The following ARL15 variants were observed in gnomAD, a reference collection of about 807,000 sequenced individuals.
The protein encoded by ARL15 is ARF like GTPase 15, also known as ADP-ribosylation factor-like protein 15.
In ARL15, 19 loss-of-function variants were observed where a neutral mutation model predicts 25.2. The ratio of observed to expected loss-of-function variants is 0.75; its 90% CI spans 0.53 to 1.10. The LOEUF (loss-of-function observed/expected upper bound fraction) is 1.10, where lower values mean the gene tolerates loss of function less well. Ranked by LOEUF, ARL15 falls within the 50% of genes least tolerant of loss-of-function variation. The pLI is 0.00. For missense variants in ARL15, 220 were observed against 246.0 expected (o/e 0.89, Z 0.71); for synonymous variants, 94 against 86.8 (o/e 1.08, Z -0.46).
At chr5:54,246,957 G>A (rs1348429068) in intron 1 of ARL15, among the ~76,000 whole-genome samples, 1 of 152,032 alleles carries the variant, frequency 6.6e-6, no homozygotes, top group South Asian at 2.1e-4. Context: ...GAAGCATAAT[G>A]ATGAAAAGGT....
chr5:53,922,394 CT>C (rs1341965692), intron 4 of ARL15, among the ~76,000 whole-genome samples: 1 of 152,176 alleles, frequency 6.6e-6, no homozygotes, highest in Non-Finnish European at 1.5e-5. Flanking sequence ...CTTTGAATGT[CT>C]TCTTATTTTT....
chr5:54,259,211 G>A (rs1237234845), intron 1 of ARL15, among the ~76,000 whole-genome samples: 1 of 152,060 alleles, frequency 6.6e-6, no homozygotes, highest in Non-Finnish European at 1.5e-5. Flanking sequence ...TGAATAGGCA[G>A]GACTCACTCA....
At chr5:54,288,032 G>A (rs1758224734) in intron 1 of ARL15, among the ~76,000 whole-genome samples, 1 of 152,106 alleles carries the variant, frequency 6.6e-6, no homozygotes, top group African/African-American at 2.4e-5. Flanking sequence ...AAGAATCACA[G>A]CAATCTAAAT....
intron 4 of ARL15, among the ~76,000 whole-genome samples, chr5:53,990,886 T>A (rs1174540587): frequency 1.3e-5 from 2 of 152,212 alleles, no homozygotes; most frequent in African/African-American, 2.4e-5. Flanking sequence ...TTCAAAAAAA[T>A]TTTGAAATTA....
rs536611350 is a variant in ARL15 at position 54,297,034 on chromosome 5, G to A, written c.48+13398C>T. Among the ~76,000 whole-genome samples, 33 of 152,330 alleles carry A rather than the reference G, an allele frequency of 2.2e-4. 1 individual carries two copies. In the South Asian group the frequency reaches 6.8e-3, roughly 32 times the overall value. The stretch of plus-strand genomic sequence containing the variant: ...ATGCTATTTCATCTAGCATTTCCCT[G>A]GTTTAGGTAGTTGGGAGAAGATTAG... On this transcript the variant is annotated intron_variant, in intron 1 of 4. Coordinates refer to ENST00000504924, the MANE Select transcript of ARL15 (RefSeq NM_019087.3).
At chr5:54,275,425 G>A (rs901135658) in intron 1 of ARL15, among the ~76,000 whole-genome samples, 1 of 152,140 alleles carries the variant, frequency 6.6e-6, no homozygotes, top group African/African-American at 2.4e-5. Context: ...TCTGGCAACT[G>A]GGATGTGAGG....
At chr5:54,046,400 G>A (rs1037785163) in intron 4 of ARL15, among the ~76,000 whole-genome samples, 1 of 152,204 alleles carries the variant, frequency 6.6e-6, no homozygotes, top group Non-Finnish European at 1.5e-5. Context: ...AGAATCACTT[G>A]AACCCAGGAG....
At chr5:54,225,072 A>G (rs1756482190) in intron 1 of ARL15, among the ~76,000 whole-genome samples, 1 of 152,204 alleles carries the variant, frequency 6.6e-6, no homozygotes, top group South Asian at 2.1e-4. Context: ...TGAGGCAAAC[A>G]ATACCTCATA....
chr5:54,049,504 A>G (rs764453732), intron 4 of ARL15, among the ~76,000 whole-genome samples: 2 of 152,214 alleles, frequency 1.3e-5, no homozygotes, highest in Non-Finnish European at 2.9e-5. Context: ...GAAAGTAAAT[A>G]TCCAATTTTT....
chr5:54,145,150 T>TA (rs1172755219), intron 3 of ARL15, among the ~76,000 whole-genome samples: 8 of 152,156 alleles, frequency 5.3e-5, no homozygotes, highest in Non-Finnish European at 8.8e-5. Flanking sequence ...AAAAGACATT[T>TA]AAAAAAACAA....
intron 1 of ARL15, among the ~76,000 whole-genome samples, chr5:54,280,819 T>A (rs1471031701): frequency 6.6e-6 from 1 of 152,028 alleles, no homozygotes; most frequent in African/African-American, 2.4e-5. Flanking sequence ...AGTCTCCAAA[T>A]CCCCACCCTA....
intron 1 of ARL15, among the ~76,000 whole-genome samples, chr5:54,285,701 TG>T (rs763621802): frequency 2.2e-4 from 33 of 152,118 alleles, no homozygotes; most frequent in Non-Finnish European, 4.0e-4. Context: ...ATGTTAAAAC[TG>T]GTAAAACAAG....
In ARL15 at chr5:53,956,879, A is replaced by T. The variant is rs147074669; in HGVS notation, c.463-70166T>A. ...GAAAAAATAACCAGTGAACATGAAG[A>T]TAGGTCCACTGCAATTATCCAATCT... On this transcript the variant is annotated intron_variant, in intron 4 of 4. Transcript: ENST00000504924. Among the ~76,000 whole-genome samples the T allele has an allele frequency of 5.3e-3, 810 of 152,226 alleles. 7 individuals are homozygous for T. Among genetic ancestry groups the T allele is most frequent in the African/African-American group, 0.019 (795 of 41,540 alleles).
intron 4 of ARL15, among the ~76,000 whole-genome samples, chr5:53,909,007 C>G (rs1245171663): frequency 6.6e-6 from 1 of 152,140 alleles, no homozygotes; most frequent in African/African-American, 2.4e-5. Flanking sequence ...AAGTTCCATT[C>G]ATAGGTGGAG....
chr5:53,938,688 T>C (rs1746433693), intron 4 of ARL15, among the ~76,000 whole-genome samples: 1 of 152,140 alleles, frequency 6.6e-6, no homozygotes, highest in African/African-American at 2.4e-5. Flanking sequence ...TGGCCGGGTG[T>C]GGTGCCATGT....
At chr5:54,067,256 A>T (rs1487359868) in intron 4 of ARL15, 1 of 152,668 alleles carries the variant, frequency 6.6e-6, no homozygotes, top group African/African-American at 2.4e-5. Context: ...ATGGGAAGAG[A>T]GATTTTTCTG....
At position 54,310,469 on chromosome 5, in the gene ARL15, A is replaced by G. The variant is rs1473324340; in HGVS notation, c.11T>C (p.Leu4Pro). The G allele has an allele frequency of 2.5e-6, 4 of 1,606,682 alleles. No homozygotes were observed. The highest frequency in any genetic ancestry group is 3.4e-6 in the Non-Finnish European group (4 of 1,176,866). Reference protein sequence around the residue: MSDLRITEAFLYMD... With the variant: MSDPRITEAFLYMD... Reference sequence around the variant, plus strand: ...GTACAGAAACGCCTCAGTTATTCGGAGATCAGACATCCGGCAGCCTAAAGC... The same window carrying G: ...GTACAGAAACGCCTCAGTTATTCGGGGATCAGACATCCGGCAGCCTAAAGC... The change falls in exon 1 of 5, where the codon CTC becomes CCC. Residue 4 changes from leucine (L) to proline (P), a missense_variant. By Grantham distance (98) the Leu-to-Pro change is moderately conservative. Transcript: ENST00000504924.
intron 1 of ARL15, among the ~76,000 whole-genome samples, chr5:54,188,919 T>C (rs1755317004): frequency 6.6e-6 from 1 of 152,198 alleles, no homozygotes; most frequent in East Asian, 1.9e-4. Flanking sequence ...GGTTTACGTC[T>C]CAAGCTAACC....
chr5:54,248,245 T>C (rs771433117), intron 1 of ARL15, among the ~76,000 whole-genome samples: 17 of 152,156 alleles, frequency 1.1e-4, no homozygotes, highest in Non-Finnish European at 2.4e-4. Context: ...GTTGTCTCAC[T>C]CAGAATCAAA....
Sources: allele counts gnomAD v4.1 joint callset (sites outside exome capture counted in the v4.1 genomes callset), GRCh38; gene constraint gnomAD v4.1.1; transcripts MANE v1.5; gene names NCBI Gene and HGNC (gene_info 2026-07-23, HGNC 2026-07-21).